SYNE1: variants seen among roughly 807,000 people sequenced by gnomAD.
SYNE1 encodes the protein spectrin repeat containing nuclear envelope protein 1.
Under a neutral mutation model 1,111.0 loss-of-function variants are expected in SYNE1, and 616 were observed. The ratio of observed to expected loss-of-function variants is 0.55; its 90% CI spans 0.52 to 0.59. The LOEUF is 0.59. Among genes scored for constraint, SYNE1 ranks in the 20% least tolerant of loss-of-function variants. SYNE1 has a pLI of 0.00. For synonymous variants in SYNE1, 3,855 were observed against 3,825.8 expected, an observed-to-expected ratio of 1.01 and a Z score of -0.28; for missense variants, 10,006 against 10,417.0, an observed-to-expected ratio of 0.96 and a Z score of 1.72.
At chr6:152,348,947 A>G (rs2096691535) in intron 72 of SYNE1, among the ~76,000 whole-genome samples, 1 of 151,764 alleles carries the variant, frequency 6.6e-6, no homozygotes, top group African/African-American at 2.4e-5. Flanking sequence ...GAACAGAACC[A>G]CTCCATCATG....
In SYNE1 at chr6:152,354,759, TG is replaced by T. The variant is rs1448151829; in HGVS notation, c.10825del (p.Gln3609LysfsTer2). 6.2e-7 allele frequency: 1 copy of T among 1,614,118 alleles called. No individual in the cohort carries two copies. The highest frequency in any genetic ancestry group is 2.2e-5 in the East Asian group (1 of 44,892). ...TGCTGTTTTGAGCCATTCATCTACT[TG>T]CTGAAACTTTTGCTCCATTAGCCTC... ...KLRLMEQKFQ[Q>X]VDEWLKTAEE... On this transcript the variant is annotated frameshift_variant, in exon 67 of 146. Transcript: ENST00000367255. LOFTEE classifies it high-confidence loss of function.
rs904143559 is a variant in SYNE1 at position 152,444,502 on chromosome 6, A to G, written c.3746T>C (p.Ile1249Thr). The G allele has an allele frequency of 1.9e-6, 3 of 1,613,876 alleles. No homozygotes were observed. The African/African-American group carries it at 4.0e-5, about 22-fold the overall frequency. The change falls in exon 30 of 146, where the codon ATT (isoleucine) becomes ACT (threonine). Residue 1249 changes from isoleucine (I) to threonine (T), a missense_variant. This residue lies in a region of SYNE1 where 1,971 missense variants were observed against 2,084.1 expected (regional missense o/e 0.95). Coordinates refer to ENST00000367255, the MANE Select transcript of SYNE1 (RefSeq NM_182961.4). The stretch of plus-strand genomic sequence containing the variant: ...TTCCTGGACTTCTTTAGAGCCAGAA[A>G]TTAATTCTTCGAGAGAATTTTTGAC... ...EIVKNSLEEL[I>T]SGSKEVQEQA...
Position 152,442,080 on chromosome 6 carries a change from T to A in SYNE1, c.4003A>T (p.Ile1335Phe). 1 of 1,614,116 alleles carries A rather than the reference T, an allele frequency of 6.2e-7. No individual in the cohort carries two copies. The highest frequency in any genetic ancestry group is 2.2e-5 in the East Asian group (1 of 44,874). ...ERSRERQERR[I>F]QVTLRKWERF... Reference sequence around the variant, plus strand: ...CCCTAACTTCCGGCTCCTACCTGGATGCGGCGTTCCTGCCTCTCCCGGCTG... The same window carrying A: ...CCCTAACTTCCGGCTCCTACCTGGAAGCGGCGTTCCTGCCTCTCCCGGCTG... The change falls in exon 31 of 146, where the codon ATC (isoleucine) becomes TTC (phenylalanine). Residue 1335 changes from isoleucine to phenylalanine, a missense_variant. By Grantham distance (21) the Ile-to-Phe change is conservative. This residue lies in a region of SYNE1 where 1,971 missense variants were observed against 2,084.1 expected (regional missense o/e 0.95). Transcript: ENST00000367255.
intron 106 of SYNE1, among the ~76,000 whole-genome samples, chr6:152,243,287 C>T (rs2086233411): frequency 6.6e-6 from 1 of 152,156 alleles, no homozygotes; most frequent in Non-Finnish European, 1.5e-5. Flanking sequence ...ATATTTGGGA[C>T]TACCCCTCAA....
At chr6:152,289,483 C>G (rs1000465034) in intron 95 of SYNE1, among the ~76,000 whole-genome samples, 3 of 152,200 alleles carry the variant, frequency 2.0e-5, no homozygotes, top group East Asian at 1.9e-4. Flanking sequence ...CTCCACCTTC[C>G]AGGTTCAAGC....
At chr6:152,490,651 T>G (rs2098965400) in intron 11 of SYNE1, among the ~76,000 whole-genome samples, 2 of 152,186 alleles carry the variant, frequency 1.3e-5, no homozygotes, top group South Asian at 4.1e-4. Context: ...ATCTACCTTT[T>G]TCGGACTCAG....
At chr6:152,384,729 G>C (rs1464569660) in intron 55 of SYNE1, among the ~76,000 whole-genome samples, 1 of 151,882 alleles carries the variant, frequency 6.6e-6, no homozygotes, top group Non-Finnish European at 1.5e-5. Context: ...AAATACAAAA[G>C]TTAGCCAGAC....
chr6:152,447,750 C>G, intron 28 of SYNE1, 128 bp from the exon 29 acceptor site: 1 of 1,067,150 alleles, frequency 9.4e-7, no homozygotes. Context: ...TTCAGCAATA[C>G]AGTGCCTGCT....
At chr6:152,597,548 T>C (rs1466579871) in intron 3 of SYNE1, among the ~76,000 whole-genome samples, 2 of 152,194 alleles carry the variant, frequency 1.3e-5, no homozygotes, top group Non-Finnish European at 2.9e-5. Flanking sequence ...TGGCCTCCTA[T>C]AGTTTGGCAA....
intron 91 of SYNE1, among the ~76,000 whole-genome samples, chr6:152,308,111 G>T (rs2095434620): frequency 1.3e-5 from 2 of 152,174 alleles, no homozygotes; most frequent in Non-Finnish European, 2.9e-5. Context: ...GATTACAGGA[G>T]TGAGCCACCA....
intron 78 of SYNE1, among the ~76,000 whole-genome samples, chr6:152,326,860 G>A (rs562488281): frequency 6.6e-6 from 1 of 152,218 alleles, no homozygotes; most frequent in East Asian, 1.9e-4. Context: ...TAAATAATAA[G>A]GACAGAAATG....
rs553430023 is a variant in SYNE1, at chr6:152,454,593, T to TA, written c.2892+832dup. On this transcript the variant is annotated intron_variant, in intron 24 of 145. Coordinates refer to ENST00000367255, the MANE Select transcript of SYNE1 (RefSeq NM_182961.4). ...CATTTTGCTCTGGCAGTCAAGTAGATAAAGACAATACACATGCACATATTA... is the reference window on the plus strand; with the variant it reads ...CATTTTGCTCTGGCAGTCAAGTAGATAAAAGACAATACACATGCACATATTA... 2.0e-5 allele frequency among the ~76,000 whole-genome samples: 3 copies of TA among 152,342 alleles called. No individual in the cohort carries two copies. In the East Asian group the frequency reaches 5.8e-4, roughly 29 times the overall value.
intron 66 of SYNE1, among the ~76,000 whole-genome samples, chr6:152,357,887 A>AT (rs567914472): frequency 1.5e-3 from 232 of 151,494 alleles, no homozygotes; most frequent in African/African-American, 5.4e-3. Context: ...ACTAACACTT[A>AT]TTTTTTTTTA....
At chr6:152,521,177 A>T (rs1016030900) in intron 5 of SYNE1, among the ~76,000 whole-genome samples, 4 of 152,292 alleles carry the variant, frequency 2.6e-5, no homozygotes, top group Middle Eastern at 3.4e-3. Context: ...TCCACATTAT[A>T]TTGCTAAGAT....
chr6:152,308,068 T>C (rs887113443), intron 91 of SYNE1, among the ~76,000 whole-genome samples: 1 of 152,162 alleles, frequency 6.6e-6, no homozygotes, highest in African/African-American at 2.4e-5. Context: ...CCTGACCTCA[T>C]GATCCACCCA....
At chr6:152,536,035 C>T (rs923003725) in intron 4 of SYNE1, among the ~76,000 whole-genome samples, 1 of 151,954 alleles carries the variant, frequency 6.6e-6, no homozygotes, top group Non-Finnish European at 1.5e-5. Context: ...CTCTGCTTAT[C>T]CCAAAGTTAG....
intron 57 of SYNE1, 103 bp downstream of exon 57, chr6:152,376,672 AT>A (rs1443973756): frequency 9.0e-6 from 14 of 1,562,062 alleles, no homozygotes; most frequent in Non-Finnish European, 1.2e-5. Flanking sequence ...TTAGTAATAT[AT>A]TTAATGCTGA....
chr6:152,145,610 C>T (rs2059340108), intron 137 of SYNE1: 1 of 1,496,254 alleles, frequency 6.7e-7, no homozygotes, highest in Admixed American at 1.7e-5. Context: ...CCCTGAATCC[C>T]TTGTGCAGGA....
At chr6:152,284,919 A>G (rs144629333) in intron 95 of SYNE1, among the ~76,000 whole-genome samples, 1 of 152,084 alleles carries the variant, frequency 6.6e-6, no homozygotes, top group East Asian at 1.9e-4. Context: ...ACCTATTTCT[A>G]TGTCGTCACA....
Sources: allele counts gnomAD v4.1 joint callset (sites outside exome capture counted in the v4.1 genomes callset), GRCh38; gene constraint gnomAD v4.1.1; regional missense constraint gnomAD v4.1.1; transcripts MANE v1.5; gene names NCBI Gene and HGNC (gene_info 2026-07-23, HGNC 2026-07-21).